The following DDX31 variants were observed in gnomAD, a reference collection of about 807,000 sequenced individuals.
DDX31 encodes the protein DEAD-box helicase 31.
Under a neutral mutation model 91.3 loss-of-function variants are expected in DDX31, and 70 were observed. The ratio of observed to expected loss-of-function variants is 0.77; its 90% CI spans 0.63 to 0.94. The LOEUF is 0.94. Ranked by LOEUF, DDX31 falls within the 40% of genes least tolerant of loss-of-function variation. DDX31 has a pLI of 0.00. For synonymous variants in DDX31, 362 were observed against 350.6 expected (o/e 1.03, Z -0.36); for missense variants, 902 against 925.0 (o/e 0.98, Z 0.32).
chr9:132,634,204 C>T (rs11243854), intron 14 of DDX31, among the ~76,000 whole-genome samples: 1 of 152,060 alleles, frequency 6.6e-6, no homozygotes, highest in Non-Finnish European at 1.5e-5. Context: ...ACAATGAATT[C>T]TTATCATTTC....
Position 132,662,642 on chromosome 9 carries a change from C to T in DDX31, c.129G>A (p.Ala43=), listed in dbSNP as rs201248616. 23 of 1,614,030 alleles carry T rather than the reference C, an allele frequency of 1.4e-5. No individual in the cohort carries two copies. Among genetic ancestry groups the T allele is most frequent in the East Asian group, 1.3e-4 (6 of 44,902 alleles). Residue 43 remains alanine, a synonymous_variant, in exon 2 of 20, where the codon GCG becomes GCA. Transcript: ENST00000372159. ...KYQASSEAPP[A]KRRNETSFLP... is the part of the protein sequence containing the mutation. Reference sequence around the variant, plus strand: ...GAAATGAAGTTTCGTTCCTCCGTTTCGCTGGGGGAGCCTCACTGGACGCTT... The same window carrying T: ...GAAATGAAGTTTCGTTCCTCCGTTTTGCTGGGGGAGCCTCACTGGACGCTT...
At chr9:132,649,469 CA>C (rs1379976390) in intron 9 of DDX31, among the ~76,000 whole-genome samples, 1 of 152,178 alleles carries the variant, frequency 6.6e-6, no homozygotes, top group Non-Finnish European at 1.5e-5. Flanking sequence ...CATAGTGGCA[CA>C]AAAAGACAGA....
chr9:132,662,844 A>T, intron 1 of DDX31, 149 bp from the exon 2 acceptor site: 1 of 1,157,670 alleles, frequency 8.6e-7, no homozygotes, highest in South Asian at 1.6e-5. Context: ...TAGGGTTTGC[A>T]ATCAGACTCT....
chr9:132,669,308 C>T (rs2130880864), intron 1 of DDX31, among the ~76,000 whole-genome samples: 2 of 118,958 alleles, frequency 1.7e-5, no homozygotes, highest in South Asian at 2.8e-4. Flanking sequence ...GGCAAAGAAA[C>T]ATGTTTAGGG....
At chr9:132,664,649 G>C (rs563555881) in intron 1 of DDX31, among the ~76,000 whole-genome samples, 1 of 144,568 alleles carries the variant, frequency 6.9e-6, no homozygotes, top group East Asian at 2.2e-4. Flanking sequence ...GTCAAGGCTG[G>C]ATTGAGTCGT....
intron 17 of DDX31, among the ~76,000 whole-genome samples, chr9:132,624,748 A>G (rs986773787): frequency 6.6e-6 from 1 of 152,226 alleles, no homozygotes; most frequent in Non-Finnish European, 1.5e-5. Context: ...CTTTGCTAAT[A>G]GAGGCTATGG....
At chr9:132,612,410 C>T (rs1831402344) in intron 18 of DDX31, 155 bp from the exon 19 acceptor site, 11 of 781,172 alleles carry the variant, frequency 1.4e-5, no homozygotes, top group Non-Finnish European at 1.8e-5. Flanking sequence ...AAAATCTAGA[C>T]TTCTGTGTAT....
chr9:132,610,207 T>C (rs1325500368), intron 19 of DDX31, among the ~76,000 whole-genome samples: 1 of 152,282 alleles, frequency 6.6e-6, no homozygotes, highest in East Asian at 1.9e-4. Context: ...TGAGGCATCA[T>C]GGCCCTCTGG....
In DDX31 at chr9:132,648,566, A is replaced by G. The variant is rs112227452; in HGVS notation, c.741-15T>C. 3.5e-4 allele frequency: 553 copies of G among 1,597,774 alleles called. 4 individuals carry two copies. In the African/African-American group the frequency reaches 6.4e-3, roughly 18 times the overall value. ...CTTTGCGGAGTCTGTTTAAAATTATATATCATAAAAGAAAGTAAATCAAAC... is the reference window on the plus strand; with the variant it reads ...CTTTGCGGAGTCTGTTTAAAATTATGTATCATAAAAGAAAGTAAATCAAAC... On this transcript the variant is annotated splice_polypyrimidine_tract_variant and intron_variant, in intron 9 of 19. Transcript: ENST00000372159.
intron 12 of DDX31, among the ~76,000 whole-genome samples, chr9:132,646,463 C>T (rs918449349): frequency 2.6e-5 from 4 of 152,094 alleles, no homozygotes; most frequent in Non-Finnish European, 4.4e-5. Flanking sequence ...TCAGAGTCAG[C>T]GCAGAAATCT....
intron 1 of DDX31, among the ~76,000 whole-genome samples, chr9:132,667,327 T>C (rs901004396): frequency 6.6e-6 from 1 of 151,414 alleles, no homozygotes; most frequent in African/African-American, 2.4e-5. Context: ...GATCTAGGCC[T>C]GGCTGGCTCA....
Position 132,625,699 on chromosome 9 carries a change from C to T in DDX31, c.1678G>A (p.Asp560Asn), listed in dbSNP as rs1832351735. 2 of 1,614,032 alleles carry T rather than the reference C, an allele frequency of 1.2e-6. No individual in the cohort carries two copies. The highest frequency in any genetic ancestry group is 1.7e-6 in the Non-Finnish European group (2 of 1,179,988). Residue 560 changes from aspartate (D) to asparagine (N), a missense_variant, in exon 17 of 20, where the codon GAT becomes AAT. By Grantham distance (23) the Asp-to-Asn change is conservative (BLOSUM62 1). Transcript: ENST00000372159. ...MEDILCVLTR[D>N]DCFKGKRWGA... ...CATCGTTTCCCTTTAAAACAATCAT[C>T]TCTTGTCAGAACACACAAAATATCT...
rs1830317554 is a variant in DDX31 at position 132,594,039 on chromosome 9, C to CG, written c.*826dup. Reference sequence around the variant, plus strand: ...GGGGCAGGGCGGGGTGGGTCGGGGGCGGGGGGCGGGCAGCTGTGGCCTGGG... The same window carrying CG: ...GGGGCAGGGCGGGGTGGGTCGGGGGCGGGGGGGCGGGCAGCTGTGGCCTGGG... On this transcript the variant is annotated 3_prime_UTR_variant, in exon 20 of 20. Transcript: ENST00000372159. 1 of 4,984 alleles carries CG rather than the reference C, an allele frequency of 2.0e-4. No individual in the cohort carries two copies. The highest frequency in any genetic ancestry group is 8.1e-4 in the African/African-American group (1 of 1,240). 0.3% of individuals were successfully genotyped at this position (4,984 alleles called of 1,614,324 possible).
intron 14 of DDX31, among the ~76,000 whole-genome samples, chr9:132,633,534 A>T (rs908357569): frequency 6.6e-6 from 1 of 152,228 alleles, no homozygotes. Flanking sequence ...AGCTATAAAA[A>T]GAACAAAGAT....
chr9:132,657,210 G>A (rs1834623948), intron 6 of DDX31, among the ~76,000 whole-genome samples: 1 of 152,168 alleles, frequency 6.6e-6, no homozygotes, highest in Non-Finnish European at 1.5e-5. Context: ...GGATGATTTT[G>A]TAGGGTTTAA....
At chr9:132,621,965 T>C (rs550739079) in intron 17 of DDX31, among the ~76,000 whole-genome samples, 6 of 145,560 alleles carry the variant, frequency 4.1e-5, no homozygotes, top group African/African-American at 2.6e-5. Flanking sequence ...AGTTATATCA[T>C]GAAAGCCCAA....
intron 17 of DDX31, among the ~76,000 whole-genome samples, chr9:132,624,883 C>T (rs181315809): frequency 5.6e-4 from 85 of 152,344 alleles, no homozygotes; most frequent in African/African-American, 2.0e-3. Flanking sequence ...AATACAGGCA[C>T]ATGCTAAAGC....
chr9:132,630,458 T>G, intron 15 of DDX31, 55 bp from the exon 16 acceptor site: 1 of 1,529,432 alleles, frequency 6.5e-7, no homozygotes, highest in Non-Finnish European at 8.9e-7. Flanking sequence ...TGCCATTAAT[T>G]GGAAGTGCAA....
In DDX31 at chr9:132,594,873, T is replaced by C. The variant is rs768768089; in HGVS notation, c.2234A>G (p.Lys745Arg). The C allele has an allele frequency of 3.1e-6, 5 of 1,613,142 alleles. No individual in the cohort carries two copies. Among genetic ancestry groups the C allele is most frequent in the Admixed American group, 1.7e-5 (1 of 60,004 alleles). ...GVQRDSKTSQ[K>R]V is the part of the protein sequence containing the mutation. ...CGAAGACCCAGAGAGATTTTAAACT[T>C]TCTGGGAAGTCTTGCTGTCCCGCTG... Residue 745 changes from lysine (K) to arginine (R), a missense_variant, in exon 20 of 20, where the codon AAA becomes AGA. Coordinates refer to ENST00000372159, the MANE Select transcript of DDX31 (RefSeq NM_022779.9).
Sources: gnomAD v4.1 joint callset for allele counts (sites outside exome capture counted in the v4.1 genomes callset) on GRCh38, gnomAD v4.1.1 for gene constraint, MANE v1.5 for transcripts, NCBI Gene and HGNC (gene_info 2026-07-23, HGNC 2026-07-21) for gene names.